The following GSG1L variants were observed in gnomAD, a reference collection of about 807,000 sequenced individuals.
GSG1L encodes germ cell-specific gene 1-like protein.
Under a neutral mutation model 42.1 loss-of-function variants are expected in GSG1L, and 24 were observed. That is an observed-to-expected ratio of 0.57 (90% confidence interval 0.41 to 0.80). The LOEUF is 0.80. GSG1L is among the 30% of genes least tolerant of loss of function. The pLI, the probability that GSG1L is intolerant of heterozygous loss-of-function variation, is 0.00. For synonymous variants in GSG1L, 215 were observed against 203.5 expected, an observed-to-expected ratio of 1.06 and a Z score of -0.48; for missense variants, 445 against 472.2, an observed-to-expected ratio of 0.94 and a Z score of 0.53.
chr16:27,791,108 T>G lies in GSG1L; in HGVS notation c.*262A>C. 1 of 335,528 alleles carries G rather than the reference T, an allele frequency of 3.0e-6. No homozygotes were observed. The highest frequency in any genetic ancestry group is 4.9e-5 in the Admixed American group (1 of 20,558). The allele number at this position is 335,528 out of a possible 1,614,324, so 20.8% of individuals were successfully genotyped here. On this transcript the variant is annotated 3_prime_UTR_variant, in exon 7 of 7. Transcript: ENST00000447459. Reference sequence around the variant, plus strand: ...TCGCAGCTGTGCCCAGCAGGGCTCATGTGATGATGGCAAGAGTCCGGGGCT... The same window carrying G: ...TCGCAGCTGTGCCCAGCAGGGCTCAGGTGATGATGGCAAGAGTCCGGGGCT...
rs746146565 is a variant in GSG1L, at chr16:28,063,202, TGGCGGCGGCGGC to T, written c.211_222del (p.Ala71_Ala74del). 3.0e-4 allele frequency: 385 copies of T among 1,281,888 alleles called. 3 individuals carry two copies. Among genetic ancestry groups the T allele is most frequent in the Non-Finnish European group, 3.3e-4 (339 of 1,016,834 alleles). The allele number at this position is 1,281,888 out of a possible 1,614,324, so 79.4% of individuals were successfully genotyped here. On this transcript the variant is annotated inframe_deletion, in exon 1 of 7. Transcript: ENST00000447459. This position sits in a 1 kb window ranked among gnomAD's most constrained non-coding sequence, Gnocchi z 5.8. ...CCAGGGGGGCCGTTCCCCGAGGCGG[TGGCGGCGGCGGC>T]GGCGGCGGCGGGGGCGGCGGTGCCG...
At chr16:27,843,776 C>A (rs1311354115) in intron 4 of GSG1L, among the ~76,000 whole-genome samples, 1 of 152,160 alleles carries the variant, frequency 6.6e-6, no homozygotes, top group East Asian at 1.9e-4. Context: ...TTCTTTGCTC[C>A]AGAGGTGGGC....
chr16:27,853,026 G>A (rs2083533316), intron 3 of GSG1L, among the ~76,000 whole-genome samples: 1 of 152,198 alleles, frequency 6.6e-6, no homozygotes, highest in African/African-American at 2.4e-5. Context: ...GGAGCAACCA[G>A]GAGAAGCTGT....
At chr16:27,865,240 T>C (rs1284134935) in intron 3 of GSG1L, among the ~76,000 whole-genome samples, 3 of 152,134 alleles carry the variant, frequency 2.0e-5, no homozygotes, top group Non-Finnish European at 4.4e-5. Context: ...ACGAGGCCTC[T>C]GGCCCTCTGG....
intron 2 of GSG1L, among the ~76,000 whole-genome samples, chr16:27,914,114 A>C (rs541187850): frequency 2.0e-5 from 3 of 152,268 alleles, no homozygotes; most frequent in African/African-American, 7.2e-5. Context: ...GTGTGGCTTA[A>C]TAGCATTCCA....
chr16:27,868,632 T>A (rs1252161971), intron 3 of GSG1L, among the ~76,000 whole-genome samples: 3 of 152,114 alleles, frequency 2.0e-5, no homozygotes, highest in South Asian at 2.1e-4. Flanking sequence ...GCCAACATTT[T>A]AAAAATTTGG....
At chr16:27,881,080 G>A (rs2083948035) in intron 3 of GSG1L, among the ~76,000 whole-genome samples, 1 of 151,878 alleles carries the variant, frequency 6.6e-6, no homozygotes, top group Admixed American at 6.6e-5. Context: ...TCAGAATAAT[G>A]TTTTCCACTA....
chr16:27,846,672 T>C (rs953407154), intron 3 of GSG1L, among the ~76,000 whole-genome samples: 16 of 152,146 alleles, frequency 1.1e-4, no homozygotes, highest in African/African-American at 3.6e-4. Context: ...AATCTGACCC[T>C]GGCCGGGCAC....
chr16:28,054,483 G>A (rs1274745777), intron 1 of GSG1L, among the ~76,000 whole-genome samples: 2 of 151,988 alleles, frequency 1.3e-5, no homozygotes, highest in Non-Finnish European at 2.9e-5. Context: ...ACAAAAATTA[G>A]CCCAGTGTAG....
At chr16:27,910,091 C>A (rs956191144) in intron 2 of GSG1L, among the ~76,000 whole-genome samples, 1 of 150,672 alleles carries the variant, frequency 6.6e-6, no homozygotes, top group Non-Finnish European at 1.5e-5. Flanking sequence ...TCCTGAGTAG[C>A]TGGGATTACA....
chr16:28,025,618 A>AAG (rs2085892749), intron 1 of GSG1L, among the ~76,000 whole-genome samples: 1 of 152,262 alleles, frequency 6.6e-6, no homozygotes, highest in Non-Finnish European at 1.5e-5. Context: ...CTGCCCCAGC[A>AAG]GCAAGACATA....
At chr16:27,877,383 G>A (rs1185922695) in intron 3 of GSG1L, among the ~76,000 whole-genome samples, 3 of 152,164 alleles carry the variant, frequency 2.0e-5, no homozygotes, top group African/African-American at 7.2e-5. Context: ...TTTTATGACA[G>A]TAATGGTATA....
At chr16:27,924,213 A>G (rs987511538) in intron 2 of GSG1L, among the ~76,000 whole-genome samples, 2 of 151,646 alleles carry the variant, frequency 1.3e-5, no homozygotes, top group Non-Finnish European at 2.9e-5. Context: ...CATTATATAC[A>G]GTATTATATA....
intron 2 of GSG1L, among the ~76,000 whole-genome samples, chr16:27,943,496 A>C (rs1479865369): frequency 1.3e-5 from 2 of 151,932 alleles, no homozygotes; most frequent in Non-Finnish European, 2.9e-5. Flanking sequence ...AAAAATTCGA[A>C]AACAAATAAA....
intron 2 of GSG1L, among the ~76,000 whole-genome samples, chr16:27,920,343 G>A (rs139712451): frequency 2.1e-3 from 316 of 152,284 alleles, no homozygotes; most frequent in Non-Finnish European, 2.9e-3. Context: ...ACTTGGACCT[G>A]AGTTGTCCGC....
chr16:27,819,385 C>T (rs575811006), intron 5 of GSG1L, among the ~76,000 whole-genome samples: 1 of 152,258 alleles, frequency 6.6e-6, no homozygotes, highest in African/African-American at 2.4e-5. Context: ...CATCCCAAAA[C>T]CCCATCCCCA....
At chr16:27,865,572 T>TAC (rs369021478) in intron 3 of GSG1L, among the ~76,000 whole-genome samples, 14 of 21,542 alleles carry the variant, frequency 6.5e-4, no homozygotes, top group Admixed American at 1.6e-3. Context: ...TATATATATA[T>TAC]ACACACACAC....
intron 1 of GSG1L, among the ~76,000 whole-genome samples, chr16:27,997,140 C>A (rs960330484): frequency 7.9e-5 from 12 of 152,008 alleles, no homozygotes; most frequent in African/African-American, 2.9e-4. Context: ...CAGCCACATC[C>A]CCTAGAGGAG....
At chr16:27,901,328 G>A (rs2084254740) in intron 2 of GSG1L, among the ~76,000 whole-genome samples, 1 of 152,168 alleles carries the variant, frequency 6.6e-6, no homozygotes, top group African/African-American at 2.4e-5. Flanking sequence ...CAAAGCCCCA[G>A]GTGCATCTAG....
Sources: gnomAD v4.1 joint callset for allele counts (sites outside exome capture counted in the v4.1 genomes callset) on GRCh38, gnomAD v4.1.1 for gene constraint, Gnocchi (gnomAD v3.1) non-coding constraint, MANE v1.5 for transcripts, NCBI Gene and HGNC (gene_info 2026-07-23, HGNC 2026-07-21) for gene names.